TSPAN32: variants seen among roughly 807,000 people sequenced by gnomAD.
The protein encoded by TSPAN32 is tetraspanin-32.
A neutral mutation model predicts 42.7 loss-of-function variants in TSPAN32; 47 were observed. That is an observed-to-expected ratio of 1.10 (90% CI 0.87 to 1.40). The LOEUF (loss-of-function observed/expected upper bound fraction) is 1.40. TSPAN32 is among the 40% of genes most tolerant of loss of function. TSPAN32 has a pLI of 0.00. For missense variants in TSPAN32, 469 were observed against 424.1 expected, an observed-to-expected ratio of 1.11 and a Z score of -0.93; for synonymous variants, 175 against 175.9, an observed-to-expected ratio of 0.99 and a Z score of 0.04.
intron 6 of TSPAN32, 189 bp from the exon 7 acceptor site, chr11:2,316,040 T>C: frequency 6.5e-7 from 1 of 1,534,434 alleles, no homozygotes; most frequent in Non-Finnish European, 8.7e-7. Flanking sequence ...CCTGTCCCAC[T>C]GGGCTTCACC....
rs1848847629 is a variant in TSPAN32 at position 2,317,201 on chromosome 11, C to T, written c.720-143C>T. ...ATTCTGCAACAGCCTCACAGTCCCC[C>T]TAGAACATTCCACAGCAGCTCCATA... On this transcript the variant is annotated intron_variant, in intron 8 of 9. Coordinates refer to ENST00000182290, the MANE Select transcript of TSPAN32 (RefSeq NM_139022.3). This position sits in a 1 kb window ranked among gnomAD's most constrained non-coding sequence, Gnocchi z 6.2. 2.9e-6 allele frequency: 2 copies of T among 682,238 alleles called. No individual in the cohort carries two copies. Among genetic ancestry groups the T allele is most frequent in the East Asian group, 5.4e-5 (2 of 36,774 alleles). 42.3% of individuals were successfully genotyped at this position (682,238 alleles called of 1,614,324 possible).
At chr11:2,315,903 C>T (rs1848757314) in intron 6 of TSPAN32, 2 of 1,467,612 alleles carry the variant, frequency 1.4e-6, no homozygotes, top group South Asian at 2.4e-5. Flanking sequence ...ATGCTGGGAA[C>T]CCAGAGTGAA....
Position 2,317,745 on chromosome 11 carries a change from C to G in TSPAN32, c.902-118C>G. ...GCAGCCCAGGGCAGACTGCAAGACA[C>G]TGGTGGCCCACGGCCTGGAGGGCTC... On this transcript the variant is annotated intron_variant, in intron 9 of 9. Coordinates refer to ENST00000182290, the MANE Select transcript of TSPAN32 (RefSeq NM_139022.3). The surrounding 1 kb of genome is among the most constrained non-coding windows in gnomAD (Gnocchi z 6.2). 1 of 1,525,080 alleles carries G rather than the reference C, an allele frequency of 6.6e-7. No individual in the cohort carries two copies. Among genetic ancestry groups the G allele is most frequent in the Non-Finnish European group, 8.7e-7 (1 of 1,144,626 alleles). The allele number at this position is 1,525,080 out of a possible 1,614,324, so 94.5% of individuals were successfully genotyped here. A position where few individuals can be genotyped will look rare whatever the true frequency, so the allele number is the denominator to read the frequency against.
chr11:2,305,254 G>T (rs1310386975), intron 3 of TSPAN32, among the ~76,000 whole-genome samples: 1 of 152,212 alleles, frequency 6.6e-6, no homozygotes, highest in Non-Finnish European at 1.5e-5. Flanking sequence ...TCCAGCACTA[G>T]CCAGGATTCC....
chr11:2,305,373 C>CCG (rs1554938605), intron 3 of TSPAN32, among the ~76,000 whole-genome samples: 1 of 149,128 alleles, frequency 6.7e-6, no homozygotes, highest in African/African-American at 2.5e-5. Flanking sequence ...GTAGTCTGCC[C>CCG]CCCCCCCCAG....
chr11:2,315,256 C>G lies in TSPAN32; in HGVS notation c.543+685C>G, dbSNP rs1470589256. 2.5e-6 allele frequency: 3 copies of G among 1,199,610 alleles called. No individual in the cohort carries two copies. The African/African-American group carries it at 5.0e-5, about 20-fold the overall frequency. The allele number at this position is 1,199,610 out of a possible 1,614,324, so 74.3% of individuals were successfully genotyped here. ...CACCCTATCTCACAGTGGGAGGCACCTGGCGACCCTCCAAGAAACAGAGGG... is the reference window on the plus strand; with the variant it reads ...CACCCTATCTCACAGTGGGAGGCACGTGGCGACCCTCCAAGAAACAGAGGG... On this transcript the variant is annotated intron_variant, in intron 6 of 9. Coordinates refer to ENST00000182290, the MANE Select transcript of TSPAN32 (RefSeq NM_139022.3).
rs1010325684 is a variant in TSPAN32 at position 2,315,724 on chromosome 11, G to A, written c.544-505G>A. On this transcript the variant is annotated intron_variant, in intron 6 of 9. Transcript: ENST00000182290. ...GCCTGCCACCTCCCTTTTCTGAAAA[G>A]ATGCCTCTGGGTGCCATGCCCTGGG... is the stretch of plus-strand genomic sequence containing the variant. 7 of 1,213,412 alleles carry A rather than the reference G, an allele frequency of 5.8e-6. No individual in the cohort carries two copies. The East Asian group carries it at 2.3e-4, about 40-fold the overall frequency. The allele number at this position is 1,213,412 out of a possible 1,614,324, so 75.2% of individuals were successfully genotyped here.
rs1425888567 is a variant in TSPAN32, at chr11:2,311,231, C to T, written c.354+2421C>T. On this transcript the variant is annotated intron_variant, in intron 4 of 9. Transcript: ENST00000182290. ...TGGTGGTGCCCTGTGGCCACAGACC[C>T]GGGCCCAGAGCTGAAAGTGGGGTGC... Among the ~76,000 whole-genome samples, 6 of 152,134 alleles carry T rather than the reference C, an allele frequency of 3.9e-5. No individual in the cohort carries two copies. The South Asian group carries it at 8.3e-4, about 21-fold the overall frequency.
intron 6 of TSPAN32, chr11:2,315,987 C>T (rs1470013076): frequency 7.8e-6 from 12 of 1,532,406 alleles, no homozygotes; most frequent in East Asian, 2.5e-5. Context: ...GAGACGGCAC[C>T]GGCCGGGCCC....
chr11:2,309,273 A>C (rs1443927269), intron 4 of TSPAN32: 3 of 452,656 alleles, frequency 6.6e-6, no homozygotes, highest in African/African-American at 6.0e-5. Flanking sequence ...AGGGACCTGG[A>C]GACCCGCGGA....
rs199572386 is a variant in TSPAN32 at position 2,314,577 on chromosome 11, G to A, written c.543+6G>A. The A allele has an allele frequency of 6.2e-7, 1 of 1,602,088 alleles. No individual in the cohort carries two copies. The highest frequency in any genetic ancestry group is 8.5e-7 in the Non-Finnish European group (1 of 1,174,498). ...GAGAGGAGGCGGCGAGAGAGGTGAG[G>A]GGGGGACCTGGATGCTGGCCAGGCA... On this transcript the variant is annotated splice_donor_region_variant and intron_variant, in intron 6 of 9. Coordinates refer to ENST00000182290, the MANE Select transcript of TSPAN32 (RefSeq NM_139022.3).
intron 4 of TSPAN32, among the ~76,000 whole-genome samples, chr11:2,311,401 G>A (rs571776464): frequency 6.6e-6 from 1 of 152,268 alleles, no homozygotes; most frequent in Admixed American, 6.5e-5. Flanking sequence ...AGGGCTGAGA[G>A]CCACTTTGCC....
chr11:2,312,118 C>G (rs1208876307), intron 4 of TSPAN32, among the ~76,000 whole-genome samples: 3 of 151,870 alleles, frequency 2.0e-5, no homozygotes, highest in Admixed American at 6.5e-5. Flanking sequence ...AGTTGTCACT[C>G]TCGCCCATGC....
intron 6 of TSPAN32, chr11:2,315,189 T>C (rs1848710802): frequency 1.9e-4 from 131 of 695,990 alleles, no homozygotes; most frequent in East Asian, 2.6e-4. Flanking sequence ...CCCTCCCTGC[T>C]CCCCTCCCCG....
At position 2,318,121 on chromosome 11, in the gene TSPAN32, C is replaced by T; in HGVS notation, c.*197C>T. ...GAGCAAATTGTGGTCAAATATACAT[C>T]ACATCAAATTTACCATCTTAACCAT... On this transcript the variant is annotated 3_prime_UTR_variant, in exon 10 of 10. Transcript: ENST00000182290. The surrounding 1 kb of genome is among the most constrained non-coding windows in gnomAD (Gnocchi z 4.2). The T allele has an allele frequency of 3.6e-6, 2 of 556,236 alleles. No individual in the cohort carries two copies. The allele number at this position is 556,236 out of a possible 1,614,324, so 34.5% of individuals were successfully genotyped here.
intron 4 of TSPAN32, among the ~76,000 whole-genome samples, chr11:2,311,762 T>A (rs887296472): frequency 6.6e-6 from 1 of 152,128 alleles, no homozygotes; most frequent in Admixed American, 6.5e-5. Context: ...CGGAGCTTAG[T>A]GCGTTGATAC....
chr11:2,313,398 C>T lies in TSPAN32; in HGVS notation c.355-256C>T, dbSNP rs779449804. ...AGAGCTTGGCCTCTGCTTTATCCTG[C>T]GGGACCCTCTGGGGGCAGGAGGGCC... On this transcript the variant is annotated intron_variant, in intron 4 of 9. Coordinates refer to ENST00000182290, the MANE Select transcript of TSPAN32 (RefSeq NM_139022.3). This position sits in a 1 kb window ranked among gnomAD's most constrained non-coding sequence, Gnocchi z 9.1. Among the ~76,000 whole-genome samples the T allele has an allele frequency of 1.3e-5, 2 of 152,164 alleles. No individual in the cohort carries two copies. The highest frequency in any genetic ancestry group is 2.9e-5 in the Non-Finnish European group (2 of 68,028).
intron 1 of TSPAN32, among the ~76,000 whole-genome samples, chr11:2,302,487 G>C (rs558122921): frequency 2.0e-5 from 3 of 152,124 alleles, no homozygotes. Flanking sequence ...TGGGGTGGAG[G>C]GGCACTGGCT....
In TSPAN32 at chr11:2,317,619, C is replaced by T. The variant is rs1012518556; in HGVS notation, c.901+94C>T. On this transcript the variant is annotated intron_variant, in intron 9 of 9. Coordinates refer to ENST00000182290, the MANE Select transcript of TSPAN32 (RefSeq NM_139022.3). This position sits in a 1 kb window ranked among gnomAD's most constrained non-coding sequence, Gnocchi z 6.2. ...GGGAGTGAAGGCCCAGCCAGAGAGC[C>T]AGGCTCCATTGGGAACAGATGCAAG... 6.7e-7 allele frequency: 1 copy of T among 1,497,012 alleles called. No homozygotes were observed. The highest frequency in any genetic ancestry group is 1.4e-5 in the African/African-American group (1 of 71,784). The allele number at this position is 1,497,012 out of a possible 1,614,324, so 92.7% of individuals were successfully genotyped here.
Sources: allele counts gnomAD v4.1 joint callset (sites outside exome capture counted in the v4.1 genomes callset), GRCh38; gene constraint gnomAD v4.1.1; non-coding constraint Gnocchi (gnomAD v3.1); transcripts MANE v1.5; gene names NCBI Gene and HGNC (gene_info 2026-07-23, HGNC 2026-07-21).